The following RIPOR2 variants were observed in gnomAD, a reference collection of about 807,000 sequenced individuals.
RIPOR2 encodes rho family-interacting cell polarization regulator 2.
In RIPOR2, 39 loss-of-function variants were observed where a neutral mutation model predicts 114.5. The observed-to-expected ratio is 0.34, with a 90% CI of 0.26 to 0.44. RIPOR2 has a LOEUF of 0.44. Ranked by LOEUF, RIPOR2 falls within the 20% of genes least tolerant of loss-of-function variation. The probability of loss-of-function intolerance (pLI) is 1.00; values close to 1 mark genes in which losing one functional copy is unlikely to be tolerated. For synonymous variants in RIPOR2, 445 were observed against 484.4 expected (o/e 0.92, Z 1.07); for missense variants, 1,007 against 1,255.1 (o/e 0.80, Z 2.99).
At chr6:24,842,778 TA>T in intron 13 of RIPOR2, 83 bp downstream of exon 13, 3 of 748,642 alleles carry the variant, frequency 4.0e-6, no homozygotes, top group Non-Finnish European at 3.8e-6. Context: ...ATTTTTTTTT[TA>T]AATGATACCT....
chr6:24,854,154 C>T (rs374664249), intron 8 of RIPOR2, among the ~76,000 whole-genome samples: 1 of 149,876 alleles, frequency 6.7e-6, no homozygotes, highest in African/African-American at 2.5e-5. Context: ...AGAAAACACA[C>T]AGTAAATTGA....
intron 1 of RIPOR2, among the ~76,000 whole-genome samples, chr6:24,974,014 G>T (rs1037991163): frequency 6.6e-6 from 1 of 152,190 alleles, no homozygotes; most frequent in Admixed American, 6.5e-5. Flanking sequence ...CTACCTGGGT[G>T]ACCTGGGTCA....
intron 1 of RIPOR2, among the ~76,000 whole-genome samples, chr6:25,035,110 T>C (rs1366488736): frequency 6.6e-6 from 1 of 152,174 alleles, no homozygotes; most frequent in East Asian, 1.9e-4. Context: ...GCATTCTCTG[T>C]AATTGGCAGA....
intron 7 of RIPOR2, 57 bp from the exon 8 acceptor site, chr6:24,861,093 G>T: frequency 8.0e-7 from 1 of 1,244,926 alleles, no homozygotes; most frequent in Non-Finnish European, 1.2e-6. Flanking sequence ...ACAGCTCAAA[G>T]CACACGACGT....
intron 1 of RIPOR2, among the ~76,000 whole-genome samples, chr6:24,934,012 C>T (rs542368392): frequency 1.3e-5 from 2 of 152,302 alleles, no homozygotes; most frequent in Admixed American, 6.5e-5. Context: ...ACGCATAATC[C>T]AGAGTGCAGT....
intron 1 of RIPOR2, among the ~76,000 whole-genome samples, chr6:24,877,916 G>A (rs1421906498): frequency 1.3e-5 from 2 of 152,100 alleles, no homozygotes; most frequent in African/African-American, 2.4e-5. Context: ...CAGGAAGGAC[G>A]GTTAGGAACA....
At chr6:24,919,199 C>G (rs1770304075) in intron 1 of RIPOR2, among the ~76,000 whole-genome samples, 1 of 152,210 alleles carries the variant, frequency 6.6e-6, no homozygotes, top group African/African-American at 2.4e-5. Context: ...TGGAGAGGAG[C>G]TGTGACAACA....
intron 1 of RIPOR2, among the ~76,000 whole-genome samples, chr6:24,879,541 T>TTG (rs1488562073): frequency 6.6e-6 from 1 of 152,112 alleles, no homozygotes; most frequent in African/African-American, 2.4e-5. Context: ...CCCTAAAAGG[T>TTG]GACACATGGC....
chr6:24,956,354 T>A (rs1773043320), intron 1 of RIPOR2, among the ~76,000 whole-genome samples: 1 of 152,236 alleles, frequency 6.6e-6, no homozygotes, highest in South Asian at 2.1e-4. Flanking sequence ...TAAAAATAAC[T>A]TTTTCCTTAT....
intron 1 of RIPOR2, among the ~76,000 whole-genome samples, chr6:24,923,856 A>AAAAT (rs955846877): frequency 8.1e-4 from 123 of 152,146 alleles, no homozygotes; most frequent in African/African-American, 2.3e-3. Context: ...TCAAAAAAAT[A>AAAAT]AAATAAATAA....
intron 1 of RIPOR2, among the ~76,000 whole-genome samples, chr6:24,912,367 C>G (rs768400053): frequency 2.0e-5 from 3 of 152,156 alleles, no homozygotes; most frequent in Non-Finnish European, 4.4e-5. Context: ...TCTGCAACCA[C>G]ATAGCTTTTG....
intron 1 of RIPOR2, among the ~76,000 whole-genome samples, chr6:24,912,046 G>GGAATA (rs1331601001): frequency 1.3e-5 from 2 of 152,202 alleles, no homozygotes; most frequent in East Asian, 3.8e-4. Flanking sequence ...TCTGGGCACT[G>GGAATA]CATCCTCGGG....
chr6:24,846,340 T>C (rs1259292345), intron 12 of RIPOR2, among the ~76,000 whole-genome samples: 1 of 136,196 alleles, frequency 7.3e-6, no homozygotes, highest in African/African-American at 2.7e-5. Flanking sequence ...AAGGTCTTGC[T>C]CTGTTGTCCA....
At chr6:24,905,344 CT>C (rs1342481684) in intron 1 of RIPOR2, among the ~76,000 whole-genome samples, 8 of 152,252 alleles carry the variant, frequency 5.3e-5, no homozygotes, top group Admixed American at 2.0e-4. Flanking sequence ...CTTCATCTCT[CT>C]TTTTTTCTAA....
intron 1 of RIPOR2, among the ~76,000 whole-genome samples, chr6:24,988,267 C>T (rs1561828812): frequency 2.6e-5 from 4 of 152,116 alleles, no homozygotes; most frequent in Admixed American, 1.3e-4. Context: ...TCGACTGCAA[C>T]CTCCGCCTCC....
Position 24,843,336 on chromosome 6 carries a change from G to T in RIPOR2, c.1383C>A (p.Ser461Arg). 6.2e-7 allele frequency: 1 copy of T among 1,613,952 alleles called. No homozygotes were observed. Among genetic ancestry groups the T allele is most frequent in the Non-Finnish European group, 8.5e-7 (1 of 1,179,876 alleles). Residue 461 changes from serine (S) to arginine (R), a missense_variant, in exon 13 of 22, where the codon AGC (serine) becomes AGA (arginine). Physicochemically the swap from Ser to Arg is moderately radical, Grantham distance 110. Coordinates refer to ENST00000643898, the MANE Select transcript of RIPOR2 (RefSeq NM_001286445.3). ...ASQNEGMDDT[S>R]SASSRNSLGE... ...CCAGGGAGTTCCTGGAAGATGCTGA[G>T]CTGGTGTCATCCATACCCTCATTCT... is the stretch of plus-strand genomic sequence containing the variant.
chr6:24,996,156 T>C lies in RIPOR2; in HGVS notation c.76+45695A>G, dbSNP rs146351318. 5.3e-5 allele frequency among the ~76,000 whole-genome samples: 8 copies of C among 152,306 alleles called. No homozygotes were observed. In the East Asian group the frequency reaches 1.5e-3, roughly 29 times the overall value. ...AATTCCTTTATTTCCATGCTTAAAG[T>C]CTTTCAATGTTTCCTTATTGTCCCT... On this transcript the variant is annotated intron_variant, in intron 1 of 13. Coordinates refer to the RIPOR2 transcript ENST00000510784.
At position 24,852,249 on chromosome 6, in the gene RIPOR2, G is replaced by A. The variant is rs186982683; in HGVS notation, c.759+326C>T. Among the ~76,000 whole-genome samples, 662 of 152,020 alleles carry A rather than the reference G, an allele frequency of 4.4e-3. 2 individuals are homozygous for A. Among genetic ancestry groups the A allele is most frequent in the Admixed American group, 9.5e-3 (145 of 15,274 alleles). ...TGCACTCCAGCCTGGGCAACAGAGCGAGACTCCATCTCAAAATAAAAAATA... is the reference window on the plus strand; with the variant it reads ...TGCACTCCAGCCTGGGCAACAGAGCAAGACTCCATCTCAAAATAAAAAATA... On this transcript the variant is annotated intron_variant, in intron 9 of 21. Coordinates refer to ENST00000643898, the MANE Select transcript of RIPOR2 (RefSeq NM_001286445.3).
intron 8 of RIPOR2, among the ~76,000 whole-genome samples, chr6:24,855,023 C>CAAAAAA (rs71310727): frequency 1.8e-5 from 1 of 54,502 alleles, no homozygotes; most frequent in Admixed American, 2.2e-4. Flanking sequence ...AACTCCGTCT[C>CAAAAAA]AAAAAAAAAA....
Sources: gnomAD v4.1 joint callset for allele counts (sites outside exome capture counted in the v4.1 genomes callset) on GRCh38, gnomAD v4.1.1 for gene constraint, MANE v1.5 for transcripts, NCBI Gene and HGNC (gene_info 2026-07-23, HGNC 2026-07-21) for gene names.